Variants in SGCE observed in about 807,000 individuals in gnomAD.
SGCE encodes the protein sarcoglycan epsilon.
SGCE carries 26 observed loss-of-function variants against 57.8 expected under a neutral mutation model. That is an observed-to-expected ratio of 0.45 (90% CI 0.33 to 0.62). The LOEUF (loss-of-function observed/expected upper bound fraction) is 0.62, where lower values mean the gene tolerates loss of function less well. Among genes scored for constraint, SGCE ranks in the 20% least tolerant of loss-of-function variants. The pLI is 0.02. For missense variants in SGCE, 468 were observed against 548.6 expected, an observed-to-expected ratio of 0.85 and a Z score of 1.47; for synonymous variants, 183 against 189.5, an observed-to-expected ratio of 0.97 and a Z score of 0.28.
intron 4 of SGCE, chr7:94,621,047 A>C (rs1361603134): frequency 6.6e-6 from 1 of 152,276 alleles, no homozygotes; most frequent in Non-Finnish European, 1.5e-5. Context: ...ATGCGGTGTG[A>C]GTCTACATGA....
intron 4 of SGCE, 76 bp from the exon 5 acceptor site, chr7:94,619,032 G>T: frequency 3.8e-6 from 4 of 1,040,254 alleles, no homozygotes; most frequent in Non-Finnish European, 6.0e-6. Flanking sequence ...AACAATTTGC[G>T]ATTTGTTGAG....
intron 1 of SGCE, 86 bp downstream of exon 1, chr7:94,655,904 G>A (rs1046366167): frequency 3.6e-6 from 3 of 828,342 alleles, no homozygotes; most frequent in African/African-American, 3.4e-5. Flanking sequence ...CAAAGGGCGC[G>A]CTCAGGCGCC....
intron 1 of SGCE, among the ~76,000 whole-genome samples, chr7:94,640,306 A>T (rs1806202651): frequency 6.6e-6 from 1 of 152,214 alleles, no homozygotes. Context: ...AGAAATGATT[A>T]TTGAAGCCAA....
intron 1 of SGCE, among the ~76,000 whole-genome samples, chr7:94,638,418 A>G (rs907094529): frequency 5.3e-5 from 8 of 152,216 alleles, no homozygotes; most frequent in African/African-American, 9.6e-5. Context: ...TCAGAGATGT[A>G]TGAAGAAAAT....
At chr7:94,647,030 C>T (rs1430743207) in intron 1 of SGCE, among the ~76,000 whole-genome samples, 2 of 152,154 alleles carry the variant, frequency 1.3e-5, no homozygotes, top group South Asian at 2.1e-4. Context: ...AAACACATAC[C>T]GTGCTCTTTT....
chr7:94,600,187 T>G (rs1798991578), intron 7 of SGCE: 1 of 186,252 alleles, frequency 5.4e-6, no homozygotes, highest in Non-Finnish European at 1.1e-5. Flanking sequence ...AATTTACTCC[T>G]AAGTTGGGTT....
chr7:94,607,653 A>G (rs1418857217), intron 5 of SGCE, among the ~76,000 whole-genome samples: 1 of 152,228 alleles, frequency 6.6e-6, no homozygotes, highest in South Asian at 2.1e-4. Flanking sequence ...AATTTCCTCA[A>G]TTTGATACCT....
At chr7:94,646,213 A>G (rs1257035164) in intron 1 of SGCE, among the ~76,000 whole-genome samples, 1 of 152,262 alleles carries the variant, frequency 6.6e-6, no homozygotes, top group Non-Finnish European at 1.5e-5. Flanking sequence ...TGACTCTCAT[A>G]AGCTTTTAGA....
At chr7:94,644,639 A>T (rs1403687207) in intron 1 of SGCE, 1 of 1,287,002 alleles carries the variant, frequency 7.8e-7, no homozygotes, top group Non-Finnish European at 1.0e-6. Flanking sequence ...TTCTCTGTCC[A>T]CTACTTCATT....
At chr7:94,605,312 T>C (rs752717432) in intron 5 of SGCE, among the ~76,000 whole-genome samples, 12 of 150,076 alleles carry the variant, frequency 8.0e-5, no homozygotes, top group African/African-American at 1.5e-4. Flanking sequence ...GAAAATGATA[T>C]AAGTCAGAAA....
In SGCE at chr7:94,587,904, TACTTA is replaced by T. The variant is rs1797118334; in HGVS notation, c.1297+780_1297+784del. 3 of 1,478,008 alleles carry T rather than the reference TACTTA, an allele frequency of 2.0e-6. No individual in the cohort carries two copies. In the East Asian group the frequency reaches 8.1e-5, roughly 40 times the overall value. 91.6% of individuals were successfully genotyped at this position (1,478,008 alleles called of 1,614,324 possible). ...ATGTGCCTGAAGTTTTTAAGAGACT[TACTTA>T]ATAGTTTCCCTACCACAATGCCGCT... On this transcript the variant is annotated intron_variant, in intron 10 of 10. Transcript: ENST00000648936.
chr7:94,620,424 A>T (rs1802577856), intron 4 of SGCE: 1 of 152,198 alleles, frequency 6.6e-6, no homozygotes, highest in African/African-American at 2.4e-5. Flanking sequence ...TTTAAAATAT[A>T]TTTATTCTCA....
At chr7:94,586,263 A>G (rs967012740) in intron 10 of SGCE, among the ~76,000 whole-genome samples, 1 of 152,124 alleles carries the variant, frequency 6.6e-6, no homozygotes, top group Admixed American at 6.5e-5. Flanking sequence ...GATGATAATC[A>G]TGCATAAATG....
chr7:94,629,359 A>C (rs1804292308), intron 2 of SGCE: 1 of 201,614 alleles, frequency 5.0e-6, no homozygotes, highest in Admixed American at 5.5e-5. Flanking sequence ...TCTCCTCTAC[A>C]ACATATGTAT....
chr7:94,597,046 T>C (rs1798504001), intron 9 of SGCE, among the ~76,000 whole-genome samples: 1 of 152,186 alleles, frequency 6.6e-6, no homozygotes, highest in Non-Finnish European at 1.5e-5. Context: ...CATCAGTATC[T>C]AATCCCGGTA....
At chr7:94,607,257 C>A (rs1204445418) in intron 5 of SGCE, among the ~76,000 whole-genome samples, 2 of 152,102 alleles carry the variant, frequency 1.3e-5, no homozygotes, top group East Asian at 3.8e-4. Context: ...TACAATATTT[C>A]TCAGAAGACA....
chr7:94,610,737 T>A (rs1166457789), intron 5 of SGCE, among the ~76,000 whole-genome samples: 1 of 151,986 alleles, frequency 6.6e-6, no homozygotes, highest in African/African-American at 2.4e-5. Flanking sequence ...TAGGAGAAAA[T>A]AACTGCAAAT....
At chr7:94,635,660 C>T (rs1333903135) in intron 1 of SGCE, among the ~76,000 whole-genome samples, 1 of 152,162 alleles carries the variant, frequency 6.6e-6, no homozygotes, top group Non-Finnish European at 1.5e-5. Context: ...ATTTTTTTAA[C>T]ATGTTGTTAC....
rs915678266 is a variant in SGCE at position 94,587,918 on chromosome 7, C to T, written c.1297+771G>A. 7.0e-5 allele frequency: 102 copies of T among 1,457,370 alleles called. No homozygotes were observed. In the Middle Eastern group the frequency reaches 1.0e-3, roughly 15 times the overall value. The allele number at this position is 1,457,370 out of a possible 1,614,324, so 90.3% of individuals were successfully genotyped here. A position where few individuals can be genotyped will look rare whatever the true frequency, so the allele number is the denominator to read the frequency against. On this transcript the variant is annotated intron_variant, in intron 10 of 10. Coordinates refer to ENST00000648936, the MANE Select transcript of SGCE (RefSeq NM_003919.3). ...TTTAAGAGACTTACTTAATAGTTTC[C>T]CTACCACAATGCCGCTATTCATACT...
Sources: gnomAD v4.1 joint callset for allele counts (sites outside exome capture counted in the v4.1 genomes callset) on GRCh38, gnomAD v4.1.1 for gene constraint, MANE v1.5 for transcripts, NCBI Gene and HGNC (gene_info 2026-07-23, HGNC 2026-07-21) for gene names.